The following SCN10A variants were observed in gnomAD, a reference collection of about 807,000 sequenced individuals.
SCN10A encodes sodium channel protein type 10 subunit alpha.
Under a neutral mutation model 170.7 loss-of-function variants are expected in SCN10A, and 162 were observed. The ratio of observed to expected loss-of-function variants is 0.95; its 90% CI spans 0.84 to 1.08. SCN10A has a LOEUF of 1.08. Ranked by LOEUF, SCN10A falls within the 50% of genes least tolerant of loss-of-function variation. The probability of loss-of-function intolerance (pLI) is 0.00; values close to 1 mark genes in which losing one functional copy is unlikely to be tolerated. For synonymous variants in SCN10A, 985 were observed against 904.6 expected (o/e 1.09, Z -1.59); for missense variants, 2,527 against 2,436.9 (o/e 1.04, Z -0.78).
intron 15 of SCN10A, among the ~76,000 whole-genome samples, chr3:38,739,153 G>A (rs889348557): frequency 2.6e-5 from 4 of 152,194 alleles, no homozygotes; most frequent in Admixed American, 2.0e-4. Flanking sequence ...AGCATAAAAT[G>A]AGGTGCGTTT....
chr3:38,722,933 G>C (rs2063409905), intron 19 of SCN10A, among the ~76,000 whole-genome samples: 1 of 152,202 alleles, frequency 6.6e-6, no homozygotes, highest in South Asian at 2.1e-4. Context: ...ATGGACTCTT[G>C]ATTCATTCAT....
At chr3:38,772,036 A>G (rs143024212) in intron 4 of SCN10A, among the ~76,000 whole-genome samples, 34 of 152,340 alleles carry the variant, frequency 2.2e-4, no homozygotes, top group African/African-American at 6.5e-4. Flanking sequence ...CATCCATTCA[A>G]TGAGAAACTG....
At chr3:38,799,891 A>G (rs2126064010) in intron 1 of SCN10A, among the ~76,000 whole-genome samples, 1 of 152,252 alleles carries the variant, frequency 6.6e-6, no homozygotes. Flanking sequence ...CGCTGGTCCT[A>G]TAAGCTTGCA....
intron 1 of SCN10A, among the ~76,000 whole-genome samples, chr3:38,799,831 C>A (rs1180895484): frequency 6.6e-6 from 1 of 152,082 alleles, no homozygotes; most frequent in Admixed American, 6.6e-5. Context: ...TCTTGCATCT[C>A]CTGAGGGCCA....
intron 26 of SCN10A, among the ~76,000 whole-genome samples, chr3:38,706,656 T>C (rs2063213963): frequency 6.6e-6 from 1 of 152,202 alleles, no homozygotes; most frequent in African/African-American, 2.4e-5. Context: ...ATGTGTGGTA[T>C]GGGTAGTACA....
At chr3:38,785,213 G>A (rs1335230697) in intron 4 of SCN10A, among the ~76,000 whole-genome samples, 1 of 152,076 alleles carries the variant, frequency 6.6e-6, no homozygotes, top group Non-Finnish European at 1.5e-5. Context: ...GAGGCATCAC[G>A]CTACCTGACT....
chr3:38,801,094 A>G (rs897202319), intron 1 of SCN10A, among the ~76,000 whole-genome samples: 1 of 152,154 alleles, frequency 6.6e-6, no homozygotes, highest in Non-Finnish European at 1.5e-5. Flanking sequence ...CTGAGATTAC[A>G]GTGGGCAAGG....
intron 20 of SCN10A, among the ~76,000 whole-genome samples, chr3:38,719,543 GCCA>G (rs1249473789): frequency 6.6e-6 from 1 of 151,338 alleles, no homozygotes; most frequent in Non-Finnish European, 1.5e-5. Context: ...ACAGGCGCCC[GCCA>G]CTACGCCCGG....
chr3:38,768,379 A>T (rs2063957132), intron 5 of SCN10A, among the ~76,000 whole-genome samples: 1 of 151,884 alleles, frequency 6.6e-6, no homozygotes, highest in Non-Finnish European at 1.5e-5. Flanking sequence ...GTGTATTTTA[A>T]GGTTTTATTT....
At chr3:38,787,286 G>C (rs1447409884) in intron 4 of SCN10A, among the ~76,000 whole-genome samples, 1 of 152,034 alleles carries the variant, frequency 6.6e-6, no homozygotes, top group Non-Finnish European at 1.5e-5. Flanking sequence ...TAAAATGCCA[G>C]TGTAAATGGT....
intron 22 of SCN10A, among the ~76,000 whole-genome samples, chr3:38,712,983 T>C (rs1181933232): frequency 6.6e-6 from 1 of 152,238 alleles, no homozygotes; most frequent in Non-Finnish European, 1.5e-5. Context: ...ACAAGTTAAT[T>C]TCAAAAGCCC....
At chr3:38,710,817 C>CT in intron 24 of SCN10A, 27 bp downstream of exon 24, 1 of 1,606,646 alleles carries the variant, frequency 6.2e-7, no homozygotes, top group Non-Finnish European at 8.5e-7. Flanking sequence ...GAGGGGAAGG[C>CT]TGTAGGGACA....
chr3:38,741,736 A>G (rs1271433316), intron 14 of SCN10A, among the ~76,000 whole-genome samples: 4 of 152,164 alleles, frequency 2.6e-5, no homozygotes, highest in Non-Finnish European at 4.4e-5. Flanking sequence ...GCCAAAGAAA[A>G]GTTCCGACTT....
At chr3:38,756,970 A>G (rs753027988) in intron 9 of SCN10A, 48 bp downstream of exon 9, 6 of 1,603,518 alleles carry the variant, frequency 3.7e-6, no homozygotes, top group Non-Finnish European at 5.1e-6. Flanking sequence ...CATGCAGCTG[A>G]CCCACCAGCC....
At chr3:38,783,738 G>T (rs1364321627) in intron 4 of SCN10A, among the ~76,000 whole-genome samples, 1 of 151,918 alleles carries the variant, frequency 6.6e-6, no homozygotes, top group East Asian at 1.9e-4. Flanking sequence ...TGTAATAGAA[G>T]AATACAGCAT....
chr3:38,725,404 C>T, intron 17 of SCN10A, 90 bp from the exon 18 acceptor site: 5 of 1,319,486 alleles, frequency 3.8e-6, no homozygotes, highest in Non-Finnish European at 5.1e-6. Context: ...CACAGGCTGC[C>T]AGAGCCAAGA....
rs780164986 is a variant in SCN10A, at chr3:38,793,886, C to T, written c.125G>A (p.Arg42Lys). ...CTTCTCTTCTTGGTCCTTCTGCTCCCTATGCTTCTCTCTGGCTTTCTTTGT... is the reference window on the plus strand; with the variant it reads ...CTTCTCTTCTTGGTCCTTCTGCTCCTTATGCTTCTCTCTGGCTTTCTTTGT... ...QGTKKAREKHREQKDQEEKPR... is the reference protein window; with the variant it reads ...QGTKKAREKHKEQKDQEEKPR... Residue 42 changes from arginine to lysine, a missense_variant, in exon 2 of 28, where the codon AGG becomes AAG. Arg to Lys is a conservative substitution (Grantham distance 26, BLOSUM62 2). Coordinates refer to ENST00000449082, the MANE Select transcript of SCN10A (RefSeq NM_006514.4). 4 of 1,613,954 alleles carry T rather than the reference C, an allele frequency of 2.5e-6. No individual in the cohort carries two copies. The African/African-American group carries it at 5.3e-5, about 22-fold the overall frequency.
At chr3:38,739,378 C>T (rs986284790) in intron 15 of SCN10A, 137 bp downstream of exon 15, 8 of 690,962 alleles carry the variant, frequency 1.2e-5, no homozygotes, top group Admixed American at 3.2e-5. Flanking sequence ...AGTCTCCAGT[C>T]GCCCAGGAGT....
intron 21 of SCN10A, among the ~76,000 whole-genome samples, chr3:38,718,202 C>T (rs182418286): frequency 1.3e-5 from 2 of 152,236 alleles, no homozygotes; most frequent in East Asian, 1.9e-4. Flanking sequence ...TAGTGGTGGT[C>T]GGTCACTGCA....
Sources: gnomAD v4.1 joint callset for allele counts (sites outside exome capture counted in the v4.1 genomes callset) on GRCh38, gnomAD v4.1.1 for gene constraint, MANE v1.5 for transcripts, NCBI Gene and HGNC (gene_info 2026-07-23, HGNC 2026-07-21) for gene names.